Variants in ERC1 observed in about 807,000 individuals in gnomAD.
ERC1 encodes the protein ELKS/RAB6-interacting/CAST family member 1.
Under a neutral mutation model 132.0 loss-of-function variants are expected in ERC1, and 56 were observed. The ratio of observed to expected loss-of-function variants is 0.42; its 90% confidence interval spans 0.34 to 0.53. The LOEUF is 0.53. Among genes scored for constraint, ERC1 ranks in the 20% least tolerant of loss-of-function variants. The probability of loss-of-function intolerance (pLI) is 0.03; values close to 1 mark genes in which losing one functional copy is unlikely to be tolerated. For missense variants in ERC1, 1,202 were observed against 1,349.9 expected (o/e 0.89, Z 1.72); for synonymous variants, 478 against 476.1 (o/e 1.00, Z -0.05).
chr12:1,449,831 A>G (rs1020861496), intron 18 of ERC1, among the ~76,000 whole-genome samples: 5 of 150,944 alleles, frequency 3.3e-5, no homozygotes, highest in Non-Finnish European at 4.4e-5. Context: ...TGTTTCATCT[A>G]TTTTTTTCCT....
intron 2 of ERC1, among the ~76,000 whole-genome samples, chr12:1,073,462 G>T (rs1291517291): frequency 1.3e-5 from 2 of 151,846 alleles, no homozygotes; most frequent in Non-Finnish European, 2.9e-5. Flanking sequence ...GACCAGCCTG[G>T]CCAGCATGGC....
Position 1,083,202 on chromosome 12 carries a change from G to T in ERC1, c.708G>T (p.Leu236Phe). The T allele has an allele frequency of 6.2e-7, 1 of 1,613,938 alleles. No individual in the cohort carries two copies. Among genetic ancestry groups the T allele is most frequent in the East Asian group, 2.2e-5 (1 of 44,874 alleles). The change falls in exon 3 of 19, where the codon TTG becomes TTT. Residue 236 changes from leucine to phenylalanine, a missense_variant. By Grantham distance (22) the Leu-to-Phe change is conservative (BLOSUM62 0). Transcript: ENST00000360905. ...QMTIQALQDE[L>F]RIQRDLNQLF... ...CAATCCAGGCTCTCCAGGATGAATT[G>T]CGGATCCAGAGGGACCTGAATCAGC...
intron 18 of ERC1, among the ~76,000 whole-genome samples, chr12:1,459,708 G>A (rs932923453): frequency 1.3e-5 from 2 of 152,222 alleles, no homozygotes; most frequent in Non-Finnish European, 2.9e-5. Context: ...ACACAAAAAT[G>A]TATGTCAGTT....
chr12:1,349,622 C>T (rs969655662), intron 15 of ERC1, among the ~76,000 whole-genome samples: 11 of 150,162 alleles, frequency 7.3e-5, no homozygotes, highest in African/African-American at 2.2e-4. Flanking sequence ...CGAGATCATG[C>T]CACTGCACTC....
At chr12:1,093,852 GAAA>G (rs1222238802) in intron 3 of ERC1, among the ~76,000 whole-genome samples, 2 of 143,838 alleles carry the variant, frequency 1.4e-5, no homozygotes, top group East Asian at 2.0e-4. Flanking sequence ...GGAGATTAAA[GAAA>G]AAAAGAAACA....
chr12:1,332,462 A>G (rs1264639225), intron 15 of ERC1, among the ~76,000 whole-genome samples: 1 of 152,040 alleles, frequency 6.6e-6, no homozygotes, highest in East Asian at 1.9e-4. Flanking sequence ...TTGTCCCTTC[A>G]TGTTTAAGGA....
At chr12:1,229,141 C>T (rs1420678797) in intron 12 of ERC1, among the ~76,000 whole-genome samples, 1 of 152,142 alleles carries the variant, frequency 6.6e-6, no homozygotes, top group Non-Finnish European at 1.5e-5. Context: ...ATCTGGTCCT[C>T]AGCTTTTCTT....
chr12:1,414,840 A>G (rs934383571), intron 17 of ERC1, among the ~76,000 whole-genome samples: 3 of 152,148 alleles, frequency 2.0e-5, no homozygotes, highest in Non-Finnish European at 4.4e-5. Flanking sequence ...CTCAGTAAAT[A>G]TATATGTGTG....
At chr12:1,175,907 C>T (rs984801333) in intron 8 of ERC1, among the ~76,000 whole-genome samples, 1 of 152,182 alleles carries the variant, frequency 6.6e-6, no homozygotes, top group Non-Finnish European at 1.5e-5. Context: ...AATTCTGTTT[C>T]TCTTGCTATT....
intron 15 of ERC1, among the ~76,000 whole-genome samples, chr12:1,299,704 G>A (rs535353185): frequency 2.1e-5 from 3 of 141,456 alleles, no homozygotes; most frequent in South Asian, 2.3e-4. Flanking sequence ...TTCATAACCG[G>A]GTTCTTTAAA....
At chr12:1,332,285 T>C (rs2082923126) in intron 15 of ERC1, among the ~76,000 whole-genome samples, 1 of 152,240 alleles carries the variant, frequency 6.6e-6, no homozygotes, top group Admixed American at 6.5e-5. Flanking sequence ...TGTATCTGTT[T>C]TGTAGCTTTA....
chr12:1,172,365 G>C lies in ERC1; in HGVS notation c.1738-8175G>C, dbSNP rs553682180. Among the ~76,000 whole-genome samples the C allele has an allele frequency of 5.3e-5, 8 of 152,254 alleles. No homozygotes were observed. In the South Asian group the frequency reaches 8.3e-4, roughly 16 times the overall value. On this transcript the variant is annotated intron_variant, in intron 8 of 18. Coordinates refer to ENST00000360905, the MANE Select transcript of ERC1 (RefSeq NM_178040.4). ...CATTTGTAGTCTCAGCTACTCCGGA[G>C]GCTGAGGCTGGAGGATTACTCGTGC...
At chr12:1,466,517 C>T (rs188170584) in intron 18 of ERC1, among the ~76,000 whole-genome samples, 301 of 152,206 alleles carry the variant, frequency 2.0e-3, no homozygotes, top group African/African-American at 6.9e-3. Flanking sequence ...AGGCTCATGG[C>T]AACAACTTCC....
intron 13 of ERC1, among the ~76,000 whole-genome samples, chr12:1,261,502 T>C (rs1036211946): frequency 2.6e-5 from 4 of 152,308 alleles, no homozygotes; most frequent in Admixed American, 6.5e-5. Context: ...CCTTCTTTTA[T>C]GTTTAGTTTT....
intron 17 of ERC1, among the ~76,000 whole-genome samples, chr12:1,433,873 T>C (rs2092874253): frequency 6.6e-6 from 1 of 151,646 alleles, no homozygotes; most frequent in Non-Finnish European, 1.5e-5. Context: ...TTAAAGTATG[T>C]GTCTGTGCTA....
intron 15 of ERC1, among the ~76,000 whole-genome samples, chr12:1,292,622 TCATATGTAC>T (rs1383194265): frequency 6.6e-6 from 1 of 152,192 alleles, no homozygotes; most frequent in African/African-American, 2.4e-5. Context: ...GAATAAATTT[TCATATGTAC>T]CTAAGAAGAG....
At chr12:1,219,312 C>G (rs1347632724) in intron 12 of ERC1, among the ~76,000 whole-genome samples, 1 of 152,174 alleles carries the variant, frequency 6.6e-6, no homozygotes, top group Non-Finnish European at 1.5e-5. Flanking sequence ...TAGTTTTACT[C>G]AGAACAGATC....
At chr12:1,440,485 T>C (rs112459229) in intron 17 of ERC1, among the ~76,000 whole-genome samples, 6,476 of 147,914 alleles carry the variant, frequency 0.044, 215 homozygotes, top group South Asian at 0.063. Flanking sequence ...CGATTACAGG[T>C]GTGAGCCACC....
At chr12:1,379,760 C>G (rs78078912) in intron 16 of ERC1, among the ~76,000 whole-genome samples, 2 of 152,084 alleles carry the variant, frequency 1.3e-5, no homozygotes, top group Non-Finnish European at 2.9e-5. Context: ...AGAGAGCAAC[C>G]AAAATGGAAT....
Sources: gnomAD v4.1 joint callset for allele counts (sites outside exome capture counted in the v4.1 genomes callset) on GRCh38, gnomAD v4.1.1 for gene constraint, MANE v1.5 for transcripts, NCBI Gene and HGNC (gene_info 2026-07-23, HGNC 2026-07-21) for gene names.